Variants in CDYL2 observed in about 807,000 individuals in gnomAD.
CDYL2 encodes the protein chromodomain Y-like protein 2.
CDYL2 carries 23 observed loss-of-function variants against 49.4 expected under a neutral mutation model. The ratio of observed to expected loss-of-function variants is 0.47; its 90% CI spans 0.34 to 0.66. The LOEUF is 0.66. CDYL2 is among the 30% of genes least tolerant of loss of function. The probability of loss-of-function intolerance (pLI) is 0.01; values close to 1 mark genes in which losing one functional copy is unlikely to be tolerated. For missense variants in CDYL2, 678 were observed against 656.4 expected, an observed-to-expected ratio of 1.03 and a Z score of -0.36; for synonymous variants, 360 against 268.8, an observed-to-expected ratio of 1.34 and a Z score of -3.32.
At chr16:80,633,923 C>A (rs147761173) in intron 2 of CDYL2, among the ~76,000 whole-genome samples, 1 of 152,146 alleles carries the variant, frequency 6.6e-6, no homozygotes, top group South Asian at 2.1e-4. Context: ...AGATGTATAA[C>A]GGTTCCCAGT....
chr16:80,679,831 T>C lies in CDYL2; in HGVS notation c.616+4707A>G, dbSNP rs534645240. On this transcript the variant is annotated intron_variant, in intron 2 of 6. Coordinates refer to ENST00000570137, the MANE Select transcript of CDYL2 (RefSeq NM_152342.4). ...TCTGAAACTGGGCTCACTGGACCAATAGCAGCATCTAGGAACTTCTGCTGG... is the reference window on the plus strand; with the variant it reads ...TCTGAAACTGGGCTCACTGGACCAACAGCAGCATCTAGGAACTTCTGCTGG... The C allele has an allele frequency of 1.6e-4, 73 of 454,326 alleles. 1 individual carries two copies. The highest frequency in any genetic ancestry group is 1.1e-3 in the East Asian group (16 of 14,354). The allele number at this position is 454,326 out of a possible 1,614,324, so 28.1% of individuals were successfully genotyped here. A position where few individuals can be genotyped will look rare whatever the true frequency, so the allele number is the denominator to read the frequency against.
rs1209598925 is a variant in CDYL2 at position 80,705,571 on chromosome 16, T to C, written c.25-20442A>G. ...TGTTCTTCCTATTCCAACAAAGATC[T>C]GTTGCAGGCCTTTGTGCTATTATGA... On this transcript the variant is annotated intron_variant, in intron 1 of 6. Coordinates refer to ENST00000570137, the MANE Select transcript of CDYL2 (RefSeq NM_152342.4). Among the ~76,000 whole-genome samples, 5 of 152,270 alleles carry C rather than the reference T, an allele frequency of 3.3e-5. No individual in the cohort carries two copies. In the East Asian group the frequency reaches 9.6e-4, roughly 29 times the overall value.
intron 1 of CDYL2, among the ~76,000 whole-genome samples, chr16:80,729,266 C>G (rs1052677814): frequency 6.6e-6 from 1 of 151,542 alleles, no homozygotes; most frequent in Non-Finnish European, 1.5e-5. Context: ...ATCTACCAAG[C>G]AAATGGAAAA....
intron 2 of CDYL2, among the ~76,000 whole-genome samples, chr16:80,671,993 G>T (rs1408290121): frequency 6.6e-6 from 1 of 152,142 alleles, no homozygotes; most frequent in African/African-American, 2.4e-5. Context: ...AAATGTGTGG[G>T]ATCACAAGTG....
chr16:80,763,108 T>C lies in CDYL2; in HGVS notation c.24+41042A>G, dbSNP rs372444423. 4.5e-4 allele frequency among the ~76,000 whole-genome samples: 68 copies of C among 151,918 alleles called. No individual in the cohort carries two copies. The Middle Eastern group carries it at 0.01, about 23-fold the overall frequency. On this transcript the variant is annotated intron_variant, in intron 1 of 6. Transcript: ENST00000570137. ...ACTTGAGCCCAGGAGGTTGAGGCTG[T>C]AGTGAGCTGAGACTGTGCCACTGCA...
chr16:80,684,450 G>T, intron 2 of CDYL2, 88 bp downstream of exon 2: 1 of 1,204,928 alleles, frequency 8.3e-7, no homozygotes, highest in South Asian at 1.5e-5. Flanking sequence ...GATGGAGGTG[G>T]GGGTCTTATG....
intron 1 of CDYL2, among the ~76,000 whole-genome samples, chr16:80,759,938 G>A (rs1261108086): frequency 6.6e-6 from 1 of 152,174 alleles, no homozygotes; most frequent in East Asian, 1.9e-4. Flanking sequence ...ATTTAGAAAT[G>A]ACTAGAGTTA....
chr16:80,649,771 G>C (rs897818241), intron 2 of CDYL2, among the ~76,000 whole-genome samples: 1 of 152,044 alleles, frequency 6.6e-6, no homozygotes, highest in Non-Finnish European at 1.5e-5. Context: ...AACAGATACA[G>C]AGATGAATAG....
intron 2 of CDYL2, among the ~76,000 whole-genome samples, chr16:80,665,149 A>G (rs761968459): frequency 3.3e-5 from 5 of 152,316 alleles, no homozygotes; most frequent in Middle Eastern, 3.4e-3. Context: ...TAGATGTTAC[A>G]TATTTTCTAC....
At chr16:80,733,932 A>G (rs1905422732) in intron 1 of CDYL2, among the ~76,000 whole-genome samples, 1 of 152,168 alleles carries the variant, frequency 6.6e-6, no homozygotes, top group South Asian at 2.1e-4. Flanking sequence ...ACTCCCCAAC[A>G]GGATTAAGTC....
intron 2 of CDYL2, among the ~76,000 whole-genome samples, chr16:80,664,132 C>T (rs931660424): frequency 3.3e-5 from 5 of 152,042 alleles, no homozygotes; most frequent in African/African-American, 1.2e-4. Flanking sequence ...CTTGCAACTC[C>T]CCTGCTCAAA....
At position 80,636,818 on chromosome 16, in the gene CDYL2, G is replaced by A. The variant is rs182989745; in HGVS notation, c.617-3582C>T. On this transcript the variant is annotated intron_variant, in intron 2 of 6. Coordinates refer to ENST00000570137, the MANE Select transcript of CDYL2 (RefSeq NM_152342.4). ...GGAACCAACCCCAACGCCCATCAAC[G>A]ATAGACTGGATTAAGAAAATGTGGC... Among the ~76,000 whole-genome samples, 888 of 152,266 alleles carry A rather than the reference G, an allele frequency of 5.8e-3. 4 individuals carry two copies. The highest frequency in any genetic ancestry group is 9.5e-3 in the Non-Finnish European group (645 of 68,012).
intron 4 of CDYL2, among the ~76,000 whole-genome samples, chr16:80,620,538 C>G (rs951255751): frequency 6.6e-6 from 1 of 152,184 alleles, no homozygotes; most frequent in African/African-American, 2.4e-5. Context: ...TTTGGCAGGA[C>G]CATGGTTAGA....
At chr16:80,729,477 C>A (rs948112827) in intron 1 of CDYL2, among the ~76,000 whole-genome samples, 8 of 152,110 alleles carry the variant, frequency 5.3e-5, no homozygotes, top group African/African-American at 1.9e-4. Flanking sequence ...TACAAAGAGA[C>A]TTAGACTCCC....
chr16:80,681,929 G>C (rs998202880), intron 2 of CDYL2, among the ~76,000 whole-genome samples: 6 of 152,110 alleles, frequency 3.9e-5, no homozygotes, highest in African/African-American at 1.4e-4. Flanking sequence ...AAAAAAATCA[G>C]TATTGAATTG....
At chr16:80,708,167 G>A (rs917197501) in intron 1 of CDYL2, among the ~76,000 whole-genome samples, 1 of 152,118 alleles carries the variant, frequency 6.6e-6, no homozygotes, top group Non-Finnish European at 1.5e-5. Flanking sequence ...AAGTGGAGAC[G>A]TCAAATCCAT....
intron 1 of CDYL2, among the ~76,000 whole-genome samples, chr16:80,729,740 T>A (rs1567587532): frequency 6.6e-6 from 1 of 152,082 alleles, no homozygotes; most frequent in Admixed American, 6.5e-5. Context: ...ACAGAAATTA[T>A]AACAAACTAT....
At chr16:80,780,664 C>G (rs1250768940) in intron 1 of CDYL2, among the ~76,000 whole-genome samples, 1 of 152,038 alleles carries the variant, frequency 6.6e-6, no homozygotes, top group East Asian at 1.9e-4. Flanking sequence ...TTCGGCCTCC[C>G]AAAGTGCTGG....
chr16:80,677,215 A>C (rs547676021), intron 2 of CDYL2, among the ~76,000 whole-genome samples: 88 of 151,856 alleles, frequency 5.8e-4, no homozygotes, highest in African/African-American at 2.0e-3. Context: ...CAAGCTATCC[A>C]CTGCCTCAGC....
Sources: allele counts gnomAD v4.1 joint callset (sites outside exome capture counted in the v4.1 genomes callset), GRCh38; gene constraint gnomAD v4.1.1; transcripts MANE v1.5; gene names NCBI Gene and HGNC (gene_info 2026-07-23, HGNC 2026-07-21).